SPAG16: variants seen among roughly 807,000 people sequenced by gnomAD.
SPAG16 encodes sperm-associated antigen 16 protein.
In SPAG16, 86 loss-of-function variants were observed where a neutral mutation model predicts 80.4. The ratio of observed to expected loss-of-function variants is 1.07; its 90% CI spans 0.90 to 1.28. The LOEUF is 1.28. Among genes scored for constraint, SPAG16 ranks in the 50% most tolerant of loss-of-function variants. The pLI, the probability that SPAG16 is intolerant of heterozygous loss-of-function variation, is 0.00. For missense variants in SPAG16, 870 were observed against 765.3 expected, an observed-to-expected ratio of 1.14 and a Z score of -1.61; for synonymous variants, 294 against 265.9, an observed-to-expected ratio of 1.11 and a Z score of -1.03.
At chr2:214,315,274 T>C (rs1559206059) in intron 15 of SPAG16, among the ~76,000 whole-genome samples, 12 of 152,182 alleles carry the variant, frequency 7.9e-5, no homozygotes, top group Non-Finnish European at 2.9e-5. Flanking sequence ...CCAGGGCTAC[T>C]GTCAAATTTA....
intron 10 of SPAG16, among the ~76,000 whole-genome samples, chr2:213,600,131 T>A (rs1274372042): frequency 4.2e-5 from 3 of 71,246 alleles, no homozygotes; most frequent in South Asian, 3.9e-4. Context: ...TTATATTTTT[T>A]AATTTAATTT....
chr2:214,007,506 C>T (rs2047082893), intron 12 of SPAG16, among the ~76,000 whole-genome samples: 1 of 152,032 alleles, frequency 6.6e-6, no homozygotes, highest in Non-Finnish European at 1.5e-5. Flanking sequence ...CATCTGTTGT[C>T]ATTTCAATTT....
intron 5 of SPAG16, among the ~76,000 whole-genome samples, chr2:213,319,232 T>G (rs2063521283): frequency 6.6e-6 from 1 of 151,908 alleles, no homozygotes; most frequent in African/African-American, 2.4e-5. Context: ...GGAACTACCA[T>G]ATAGGAACAT....
chr2:214,278,451 C>T (rs539568335), intron 15 of SPAG16, among the ~76,000 whole-genome samples: 1 of 152,218 alleles, frequency 6.6e-6, no homozygotes, highest in South Asian at 2.1e-4. Flanking sequence ...CATCTTAGAA[C>T]CGGACCACAT....
chr2:214,307,774 C>T (rs560782438), intron 15 of SPAG16, among the ~76,000 whole-genome samples: 1 of 152,196 alleles, frequency 6.6e-6, no homozygotes, highest in Non-Finnish European at 1.5e-5. Context: ...GCTATGATTA[C>T]AGTTCTTTTG....
chr2:214,377,601 T>C (rs527425424), intron 15 of SPAG16, among the ~76,000 whole-genome samples: 1 of 151,716 alleles, frequency 6.6e-6, no homozygotes, highest in Non-Finnish European at 1.5e-5. Flanking sequence ...GCTAATCGAC[T>C]GTTTACGTTA....
At chr2:213,588,631 T>C (rs2060556589) in intron 10 of SPAG16, among the ~76,000 whole-genome samples, 1 of 148,026 alleles carries the variant, frequency 6.8e-6, no homozygotes, top group Admixed American at 6.7e-5. Flanking sequence ...TGAAACCCCG[T>C]CTCTACTAAA....
intron 9 of SPAG16, among the ~76,000 whole-genome samples, chr2:213,441,793 A>G (rs1045474579): frequency 6.6e-6 from 1 of 152,228 alleles, no homozygotes; most frequent in African/African-American, 2.4e-5. Flanking sequence ...TTACAGTACA[A>G]AGTTAATATA....
chr2:213,891,093 A>C (rs1434925000), intron 11 of SPAG16, among the ~76,000 whole-genome samples: 1 of 152,014 alleles, frequency 6.6e-6, no homozygotes, highest in Non-Finnish European at 1.5e-5. Flanking sequence ...CACTTTATTA[A>C]ACATCATTTT....
chr2:213,637,978 C>G (rs943110563), intron 10 of SPAG16, among the ~76,000 whole-genome samples: 1 of 152,098 alleles, frequency 6.6e-6, no homozygotes, highest in Non-Finnish European at 1.5e-5. Context: ...AGGATGGTCT[C>G]GATTTCCTGA....
Position 213,947,819 on chromosome 2 carries a change from TATC to T in SPAG16, c.1400+17677_1400+17679del, listed in dbSNP as rs1340643359. 8.5e-5 allele frequency among the ~76,000 whole-genome samples: 13 copies of T among 152,270 alleles called. 1 individual carries two copies. The Middle Eastern group carries it at 0.017, about 199-fold the overall frequency. ...TGATCTATGCACAGTCTTTCACAAA[TATC>T]ATATAGTTTTGATTATTATAACCGT... On this transcript the variant is annotated intron_variant, in intron 12 of 15. Coordinates refer to ENST00000331683, the MANE Select transcript of SPAG16 (RefSeq NM_024532.5).
At chr2:213,290,114 T>TA (rs2062210837) in intron 1 of SPAG16, among the ~76,000 whole-genome samples, 1 of 152,260 alleles carries the variant, frequency 6.6e-6, no homozygotes, top group South Asian at 2.1e-4. Flanking sequence ...GTGTGGGTGT[T>TA]ACATTTTCCC....
At chr2:214,311,222 C>G (rs80057261) in intron 15 of SPAG16, among the ~76,000 whole-genome samples, 72 of 152,276 alleles carry the variant, frequency 4.7e-4, no homozygotes, top group African/African-American at 1.6e-3. Flanking sequence ...AGGGTCAGCA[C>G]ACTCGAAGGA....
chr2:214,172,738 T>G (rs550614236), intron 15 of SPAG16, among the ~76,000 whole-genome samples: 157 of 152,178 alleles, frequency 1.0e-3, no homozygotes, highest in African/African-American at 3.6e-3. Context: ...GTGTTCCTAT[T>G]TCTCCACATC....
chr2:213,330,632 G>T (rs151305408), intron 5 of SPAG16, among the ~76,000 whole-genome samples: 25 of 152,178 alleles, frequency 1.6e-4, no homozygotes, highest in African/African-American at 5.8e-4. Flanking sequence ...ACTTTGGACT[G>T]TGGACTTTTG....
intron 10 of SPAG16, among the ~76,000 whole-genome samples, chr2:213,614,675 G>A (rs12611569): frequency 0.41 from 62,216 of 152,032 alleles, 13,264 homozygotes; most frequent in Middle Eastern, 0.52. Flanking sequence ...TATAATATTT[G>A]TATCTTAAGT....
Position 214,192,476 on chromosome 2 carries a change from C to T in SPAG16, c.1720+43210C>T, listed in dbSNP as rs183707360. ...AAGATTGGTTCTGCTGTCTCAGGAGCAAAATTGAGGAGAAAATAATATTTT... is the reference window on the plus strand; with the variant it reads ...AAGATTGGTTCTGCTGTCTCAGGAGTAAAATTGAGGAGAAAATAATATTTT... On this transcript the variant is annotated intron_variant, in intron 15 of 15. Transcript: ENST00000331683. 4.6e-5 allele frequency among the ~76,000 whole-genome samples: 7 copies of T among 152,120 alleles called. No homozygotes were observed. The East Asian group carries it at 1.4e-3, about 29-fold the overall frequency.
At chr2:213,845,684 C>CA (rs1224490814) in intron 10 of SPAG16, among the ~76,000 whole-genome samples, 2 of 151,900 alleles carry the variant, frequency 1.3e-5, no homozygotes, top group African/African-American at 4.9e-5. Context: ...AAAACAAAAA[C>CA]AAAATGCCAT....
chr2:214,043,884 A>G (rs1210165243), intron 13 of SPAG16, among the ~76,000 whole-genome samples: 2 of 152,092 alleles, frequency 1.3e-5, no homozygotes, highest in Non-Finnish European at 2.9e-5. Flanking sequence ...TGTTCATGTA[A>G]TACACACAAG....
Sources: allele counts gnomAD v4.1 joint callset (sites outside exome capture counted in the v4.1 genomes callset), GRCh38; gene constraint gnomAD v4.1.1; transcripts MANE v1.5; gene names NCBI Gene and HGNC (gene_info 2026-07-23, HGNC 2026-07-21).